The following PLXNA4 variants were observed in gnomAD, a reference collection of about 807,000 sequenced individuals.
The protein encoded by PLXNA4 is plexin-A4.
In PLXNA4, 44 loss-of-function variants were observed where a neutral mutation model predicts 191.8. The observed-to-expected ratio is 0.23, with a 90% CI of 0.18 to 0.29. The LOEUF is 0.29. PLXNA4 is among the 10% of genes least tolerant of loss of function. The probability of loss-of-function intolerance (pLI) is 1.00; values close to 1 mark genes in which losing one functional copy is unlikely to be tolerated. For synonymous variants in PLXNA4, 1,082 were observed against 1,009.5 expected (o/e 1.07, Z -1.36); for missense variants, 1,800 against 2,488.8 (o/e 0.72, Z 5.89).
chr7:132,595,732 C>T (rs1171312476), intron 2 of PLXNA4, among the ~76,000 whole-genome samples: 1 of 152,080 alleles, frequency 6.6e-6, no homozygotes, highest in Non-Finnish European at 1.5e-5. Flanking sequence ...ATTCTTTCTT[C>T]CCCCAAGTAT....
Position 132,179,917 on chromosome 7 carries a change from C to T in PLXNA4, c.3644G>A (p.Arg1215His), listed in dbSNP as rs370836606. ...CGGGGAGTACTCCATGCCACCGACACGGGCCTGGGGGCACACAGGGCAAGA... is the reference window on the plus strand; with the variant it reads ...CGGGGAGTACTCCATGCCACCGACATGGGCCTGGGGGCACACAGGGCAAGA... Reference protein sequence around the residue: ...NLIGRHKVMARVGGMEYSPGM... With the variant: ...NLIGRHKVMAHVGGMEYSPGM... The change falls in exon 20 of 32, where the codon CGT (arginine) becomes CAT (histidine). Residue 1215 changes from arginine to histidine, a missense_variant. Transcript: ENST00000321063. 9.2e-5 allele frequency: 148 copies of T among 1,605,650 alleles called. No individual in the cohort carries two copies. Among genetic ancestry groups the T allele is most frequent in the Non-Finnish European group, 9.6e-5 (113 of 1,175,464 alleles).
intron 3 of PLXNA4, among the ~76,000 whole-genome samples, chr7:132,432,491 A>G (rs1795301974): frequency 6.6e-6 from 1 of 152,126 alleles, no homozygotes; most frequent in Admixed American, 6.6e-5. Context: ...TAATCAATAT[A>G]GGGTATTTAT....
At chr7:132,363,148 C>A (rs1013976501) in intron 3 of PLXNA4, among the ~76,000 whole-genome samples, 1 of 152,102 alleles carries the variant, frequency 6.6e-6, no homozygotes, top group African/African-American at 2.4e-5. Flanking sequence ...CCATGCCTGG[C>A]TAATTTTTGT....
At chr7:132,256,093 T>C (rs1799422839) in intron 4 of PLXNA4, among the ~76,000 whole-genome samples, 1 of 152,166 alleles carries the variant, frequency 6.6e-6, no homozygotes, top group East Asian at 1.9e-4. Context: ...TGTTGGGACA[T>C]GAGTTGGCAC....
intron 3 of PLXNA4, among the ~76,000 whole-genome samples, chr7:132,390,410 C>T (rs1307408135): frequency 6.6e-6 from 1 of 151,888 alleles, no homozygotes; most frequent in Non-Finnish European, 1.5e-5. Flanking sequence ...CACACTGGGG[C>T]CTGTCGGGGG....
At chr7:132,404,330 A>G (rs1002371133) in intron 3 of PLXNA4, among the ~76,000 whole-genome samples, 1 of 152,248 alleles carries the variant, frequency 6.6e-6, no homozygotes, top group Non-Finnish European at 1.5e-5. Context: ...GACTCCCCCC[A>G]GTGACTTCAT....
At position 132,445,157 on chromosome 7, in the gene PLXNA4, GAAAA is replaced by G. The variant is rs71529762; in HGVS notation, c.1371+44131_1371+44134del. Among the ~76,000 whole-genome samples, 335 of 53,792 alleles carry G rather than the reference GAAAA, an allele frequency of 6.2e-3. 2 individuals are homozygous for G. The highest frequency in any genetic ancestry group is 0.019 in the African/African-American group (285 of 15,062). The allele number at this position is 53,792 out of a possible 152,430, so 35.3% of individuals were successfully genotyped here. A position where few individuals can be genotyped will look rare whatever the true frequency, so the allele number is the denominator to read the frequency against. ...GTGACAGAGCAAGACTCCATCTCAG[GAAAA>G]AAAAAAAAAAAAAAAAAAAAAAAAT... On this transcript the variant is annotated intron_variant, in intron 3 of 31. Coordinates refer to ENST00000321063, the MANE Select transcript of PLXNA4 (RefSeq NM_020911.2).
chr7:132,500,526 C>A (rs1468464650), intron 2 of PLXNA4, among the ~76,000 whole-genome samples: 1 of 152,228 alleles, frequency 6.6e-6, no homozygotes, highest in South Asian at 2.1e-4. Context: ...AGCTGGAGCA[C>A]ATCCTAGGGC....
At chr7:132,207,775 T>C (rs939276973) in intron 10 of PLXNA4, among the ~76,000 whole-genome samples, 3 of 152,264 alleles carry the variant, frequency 2.0e-5, no homozygotes, top group Non-Finnish European at 2.9e-5. Flanking sequence ...TTCATGGATT[T>C]AGGAAATGAA....
chr7:132,363,462 C>T (rs569088777), intron 3 of PLXNA4, among the ~76,000 whole-genome samples: 1 of 152,314 alleles, frequency 6.6e-6, no homozygotes, highest in African/African-American at 2.4e-5. Flanking sequence ...CTGTATCTGA[C>T]TTATTTCACT....
Position 132,322,659 on chromosome 7 carries a change from G to A in PLXNA4, c.1372-24437C>T, listed in dbSNP as rs541087924. ...ACCCCAAAAAGCACCTGGCCACATAGGTGAGTTGCTCCGTCACTATCACTC... is the reference window on the plus strand; with the variant it reads ...ACCCCAAAAAGCACCTGGCCACATAAGTGAGTTGCTCCGTCACTATCACTC... On this transcript the variant is annotated intron_variant, in intron 3 of 31. Coordinates refer to ENST00000321063, the MANE Select transcript of PLXNA4 (RefSeq NM_020911.2). 3.3e-5 allele frequency among the ~76,000 whole-genome samples: 5 copies of A among 152,308 alleles called. No individual in the cohort carries two copies. In the East Asian group the frequency reaches 5.8e-4, roughly 18 times the overall value.
chr7:132,267,311 T>G (rs983460061), intron 4 of PLXNA4, among the ~76,000 whole-genome samples: 1 of 152,192 alleles, frequency 6.6e-6, no homozygotes, highest in East Asian at 1.9e-4. Flanking sequence ...AGGGGAACAC[T>G]TTCCTCTCTA....
chr7:132,357,881 C>A (rs764648751), intron 3 of PLXNA4, among the ~76,000 whole-genome samples: 1 of 152,240 alleles, frequency 6.6e-6, no homozygotes, highest in Non-Finnish European at 1.5e-5. Context: ...TAAATACCAG[C>A]TCTGGGCCGA....
intron 21 of PLXNA4, among the ~76,000 whole-genome samples, chr7:132,169,717 T>G (rs1039198847): frequency 1.3e-5 from 2 of 152,016 alleles, no homozygotes; most frequent in African/African-American, 2.4e-5. Context: ...ACCCCGGGAC[T>G]CCTGGGGGAC....
intron 5 of PLXNA4, among the ~76,000 whole-genome samples, chr7:132,232,496 G>T (rs1335928460): frequency 6.6e-6 from 1 of 152,078 alleles, no homozygotes; most frequent in East Asian, 1.9e-4. Context: ...GTCCCTCCCT[G>T]CTAACCTCTT....
chr7:132,166,276 C>A (rs1796120216), intron 22 of PLXNA4, among the ~76,000 whole-genome samples: 1 of 150,470 alleles, frequency 6.6e-6, no homozygotes, highest in Non-Finnish European at 1.5e-5. Context: ...CCCTTGGGAG[C>A]CCTTCTAGAG....
intron 1 of PLXNA4, among the ~76,000 whole-genome samples, chr7:132,522,284 C>T (rs145844656): frequency 1.1e-4 from 17 of 152,332 alleles, no homozygotes; most frequent in African/African-American, 3.8e-4. Context: ...AATGCTTTGC[C>T]TTCTCTAAGC....
At chr7:132,246,902 G>A (rs1206903197) in intron 4 of PLXNA4, among the ~76,000 whole-genome samples, 1 of 152,076 alleles carries the variant, frequency 6.6e-6, no homozygotes, top group Non-Finnish European at 1.5e-5. Flanking sequence ...GGCAATGAAT[G>A]ACTGAAAAGA....
chr7:132,469,245 A>G (rs538491789), intron 3 of PLXNA4, among the ~76,000 whole-genome samples: 1 of 152,030 alleles, frequency 6.6e-6, no homozygotes, highest in African/African-American at 2.4e-5. Context: ...GAGTCTGTGG[A>G]TGAAGAAATG....
Sources: gnomAD v4.1 joint callset for allele counts (sites outside exome capture counted in the v4.1 genomes callset) on GRCh38, gnomAD v4.1.1 for gene constraint, MANE v1.5 for transcripts, NCBI Gene and HGNC (gene_info 2026-07-23, HGNC 2026-07-21) for gene names.